CEP89: variants seen among roughly 807,000 people sequenced by gnomAD.
CEP89 encodes the protein centrosomal protein 89, also known as centrosomal protein of 89 kDa.
Under a neutral mutation model 97.6 loss-of-function variants are expected in CEP89, and 95 were observed. The observed-to-expected ratio is 0.97, with a 90% confidence interval of 0.82 to 1.15. CEP89 has a LOEUF of 1.15. CEP89 is among the 50% of genes most tolerant of loss of function. The probability of loss-of-function intolerance (pLI) is 0.00; values close to 1 mark genes in which losing one functional copy is unlikely to be tolerated. For synonymous variants in CEP89, 354 were observed against 349.1 expected (o/e 1.01, Z -0.16); for missense variants, 869 against 947.7 (o/e 0.92, Z 1.09).
chr19:32,891,199 C>T (rs1002539745), intron 16 of CEP89, among the ~76,000 whole-genome samples: 1 of 152,222 alleles, frequency 6.6e-6, no homozygotes, highest in Non-Finnish European at 1.5e-5. Flanking sequence ...GCCCTGCGCA[C>T]GTGCATGTGC....
At chr19:32,906,287 G>A (rs62125010) in intron 14 of CEP89, among the ~76,000 whole-genome samples, 9,238 of 151,948 alleles carry the variant, frequency 0.061, 443 homozygotes, top group East Asian at 0.23. Flanking sequence ...CTCTTATTTG[G>A]ATTGTTTTTT....
chr19:32,926,580 C>T (rs1430904651), intron 10 of CEP89, among the ~76,000 whole-genome samples: 1 of 152,072 alleles, frequency 6.6e-6, no homozygotes, highest in African/African-American at 2.4e-5. Context: ...CTCCGTTGCC[C>T]GAAGCCATTC....
At chr19:32,950,447 A>G (rs1970887275) in intron 4 of CEP89, among the ~76,000 whole-genome samples, 1 of 152,116 alleles carries the variant, frequency 6.6e-6, no homozygotes, top group Admixed American at 6.6e-5. Context: ...AATCCCAGCT[A>G]CTCAGGAGGC....
chr19:32,899,271 C>T (rs1969713145), intron 16 of CEP89, among the ~76,000 whole-genome samples: 1 of 151,962 alleles, frequency 6.6e-6, no homozygotes, highest in Non-Finnish European at 1.5e-5. Context: ...GCTGAGACTA[C>T]AGGTGCATGC....
rs756618956 is a variant in CEP89, at chr19:32,959,927, T to C, written c.278A>G (p.Tyr93Cys). The C allele has an allele frequency of 1.1e-5, 18 of 1,614,060 alleles. No homozygotes were observed. Among genetic ancestry groups the C allele is most frequent in the African/African-American group, 4.0e-5 (3 of 74,926 alleles). The change falls in exon 3 of 19, where the codon TAT (tyrosine) becomes TGT (cysteine). Residue 93 changes from tyrosine to cysteine, a missense_variant. Transcript: ENST00000305768. ...SVEQDSFIEP[Y>C]ATTSQLRPRP... The stretch of plus-strand genomic sequence containing the variant: ...AGGCCTCAGCTGTGAGGTGGTGGCA[T>C]AGGGCTCGATGAAGCTGTCCTGTTC...
chr19:32,901,996 GTCTC>G (rs149379505), intron 14 of CEP89, among the ~76,000 whole-genome samples: 31 of 141,732 alleles, frequency 2.2e-4, no homozygotes, highest in Admixed American at 6.3e-4. Flanking sequence ...CTGTCTCTCT[GTCTC>G]TCTCTCTCTC....
intron 9 of CEP89, among the ~76,000 whole-genome samples, chr19:32,929,422 T>C (rs1296644501): frequency 6.6e-6 from 1 of 151,868 alleles, no homozygotes; most frequent in Non-Finnish European, 1.5e-5. Context: ...GCCAACATGG[T>C]GAAACCCTAT....
intron 9 of CEP89, among the ~76,000 whole-genome samples, chr19:32,927,304 T>C (rs1386073583): frequency 6.6e-6 from 1 of 152,204 alleles, no homozygotes; most frequent in Non-Finnish European, 1.5e-5. Flanking sequence ...CCTTTTCCTC[T>C]AAATACTTGT....
At chr19:32,943,624 CAA>C (rs1215123336) in intron 5 of CEP89, among the ~76,000 whole-genome samples, 1 of 142,380 alleles carries the variant, frequency 7.0e-6, no homozygotes, top group South Asian at 2.2e-4. Flanking sequence ...GATCCTGTCT[CAA>C]AAAAAAAAAG....
At chr19:32,902,004 C>CTGTGTGTGTG (rs1455977169) in intron 14 of CEP89, among the ~76,000 whole-genome samples, 2,068 of 100,038 alleles carry the variant, frequency 0.021, 24 homozygotes, top group East Asian at 0.05. Flanking sequence ...CTGTCTCTCT[C>CTGTGTGTGTG]TCTCTCTGTG....
chr19:32,954,170 G>T lies in CEP89; in HGVS notation c.306-369C>A, dbSNP rs547834527. Among the ~76,000 whole-genome samples, 5 of 152,128 alleles carry T rather than the reference G, an allele frequency of 3.3e-5. No individual in the cohort carries two copies. The South Asian group carries it at 1.0e-3, about 32-fold the overall frequency. ...TTACAGGCGTGAGCCACTGTGCCCG[G>T]CCAGTATCATGTATTAAATGCACTG... On this transcript the variant is annotated intron_variant, in intron 3 of 18. Coordinates refer to ENST00000305768, the MANE Select transcript of CEP89 (RefSeq NM_032816.5).
intron 17 of CEP89, among the ~76,000 whole-genome samples, chr19:32,882,519 G>A (rs974391993): frequency 1.7e-4 from 26 of 149,030 alleles, no homozygotes; most frequent in African/African-American, 3.5e-4. Context: ...GTGTGATCAC[G>A]CCACTGCACT....
chr19:32,929,285 A>G (rs778939791), intron 9 of CEP89, among the ~76,000 whole-genome samples: 5 of 152,170 alleles, frequency 3.3e-5, no homozygotes, highest in African/African-American at 4.8e-5. Flanking sequence ...GAGTGATTAC[A>G]AACAAAAGTC....
chr19:32,930,693 T>C (rs1333422774), intron 9 of CEP89, among the ~76,000 whole-genome samples: 1 of 152,072 alleles, frequency 6.6e-6, no homozygotes, highest in Non-Finnish European at 1.5e-5. Flanking sequence ...CATCGGTTCA[T>C]CTGGCACTCC....
chr19:32,879,342 A>G lies in CEP89; in HGVS notation c.2172T>C (p.Ser724=), dbSNP rs774834233. The change falls in exon 19 of 19, where the codon TCT becomes TCC. Residue 724 remains serine (S), a synonymous_variant. Coordinates refer to ENST00000305768, the MANE Select transcript of CEP89 (RefSeq NM_032816.5). Reference sequence around the variant, plus strand: ...GGATTCTTCGGTTTTCCCTGAAGGTAGATTCCCAAATAACTTCAAGTTCAC... The same window carrying G: ...GGATTCTTCGGTTTTCCCTGAAGGTGGATTCCCAAATAACTTCAAGTTCAC... ...MEGELEVIWE[S]TFRENRRIRE... is the part of the protein sequence containing the mutation. 1.1e-5 allele frequency: 17 copies of G among 1,614,144 alleles called. No homozygotes were observed. In the East Asian group the frequency reaches 3.1e-4, roughly 30 times the overall value.
chr19:32,968,686 A>G (rs4805837), intron 1 of CEP89, among the ~76,000 whole-genome samples: 136,753 of 152,078 alleles, frequency 0.9, 61,683 homozygotes, highest in African/African-American at 0.98. Context: ...TGGTCCCCTC[A>G]TCAATCCTGT....
chr19:32,969,213 C>G (rs1378950475), intron 1 of CEP89: 1 of 152,414 alleles, frequency 6.6e-6, no homozygotes, highest in African/African-American at 2.4e-5. Context: ...GTACTGCTCT[C>G]TGCAGCTGGT....
chr19:32,933,067 CT>C (rs1042378164), intron 8 of CEP89, among the ~76,000 whole-genome samples: 25 of 151,478 alleles, frequency 1.7e-4, no homozygotes, highest in African/African-American at 5.6e-4. Context: ...AATACTATTT[CT>C]TTTTTTAACC....
At chr19:32,933,714 AC>A (rs895406721) in intron 7 of CEP89, 45 bp from the exon 8 acceptor site, 3 of 1,198,166 alleles carry the variant, frequency 2.5e-6, no homozygotes, top group African/African-American at 1.5e-5. Context: ...ATTGATGTTG[AC>A]AATGTTACAT....
Sources: gnomAD v4.1 joint callset for allele counts (sites outside exome capture counted in the v4.1 genomes callset) on GRCh38, gnomAD v4.1.1 for gene constraint, MANE v1.5 for transcripts, NCBI Gene and HGNC (gene_info 2026-07-23, HGNC 2026-07-21) for gene names.